The following LRRTM4 variants were observed in gnomAD, a reference collection of about 807,000 sequenced individuals.
The protein encoded by LRRTM4 is leucine-rich repeat transmembrane neuronal protein 4.
Under a neutral mutation model 47.6 loss-of-function variants are expected in LRRTM4, and 25 were observed. The observed-to-expected ratio is 0.53, with a 90% CI of 0.38 to 0.73. The LOEUF (loss-of-function observed/expected upper bound fraction) is 0.73, where lower values mean the gene tolerates loss of function less well. Ranked by LOEUF, LRRTM4 falls within the 30% of genes least tolerant of loss-of-function variation. The probability of loss-of-function intolerance (pLI) is 0.00; values close to 1 mark genes in which losing one functional copy is unlikely to be tolerated. For missense variants in LRRTM4, 638 were observed against 713.4 expected (o/e 0.89, Z 1.20); for synonymous variants, 311 against 269.5 (o/e 1.15, Z -1.51).
chr2:77,032,099 C>G (rs964530282), intron 3 of LRRTM4, among the ~76,000 whole-genome samples: 8 of 152,164 alleles, frequency 5.3e-5, no homozygotes, highest in African/African-American at 1.7e-4. Flanking sequence ...TTGTATTCTG[C>G]TCCTAATCAG....
chr2:77,225,002 G>T (rs1315903048), intron 3 of LRRTM4, among the ~76,000 whole-genome samples: 1 of 150,718 alleles, frequency 6.6e-6, no homozygotes, highest in Admixed American at 6.6e-5. Flanking sequence ...AAGAAAATGT[G>T]GCACATCTAC....
chr2:76,811,872 T>G (rs550988234), intron 3 of LRRTM4, among the ~76,000 whole-genome samples: 1 of 151,820 alleles, frequency 6.6e-6, no homozygotes, highest in Non-Finnish European at 1.5e-5. Flanking sequence ...GGATGAAGGA[T>G]AGGAAAACAT....
At chr2:77,459,751 G>A (rs1238134659) in intron 3 of LRRTM4, among the ~76,000 whole-genome samples, 2 of 128,536 alleles carry the variant, frequency 1.6e-5, no homozygotes, top group African/African-American at 5.9e-5. Flanking sequence ...TGTATAAACT[G>A]GTTTTAGCAA....
chr2:77,201,222 A>G (rs1673965426), intron 3 of LRRTM4, among the ~76,000 whole-genome samples: 1 of 152,168 alleles, frequency 6.6e-6, no homozygotes, highest in African/African-American at 2.4e-5. Flanking sequence ...GATAATCTGG[A>G]TTCTTACAGG....
intron 3 of LRRTM4, among the ~76,000 whole-genome samples, chr2:77,212,936 AC>A (rs1674335487): frequency 1.3e-5 from 2 of 152,138 alleles, no homozygotes; most frequent in Admixed American, 1.3e-4. Flanking sequence ...ATTTCTTTGT[AC>A]CCACTGATCA....
chr2:76,753,582 T>A (rs1032641578), intron 3 of LRRTM4, among the ~76,000 whole-genome samples: 2 of 152,200 alleles, frequency 1.3e-5, no homozygotes, highest in Non-Finnish European at 2.9e-5. Context: ...GTGACACATT[T>A]TTTTCAATTA....
intron 3 of LRRTM4, among the ~76,000 whole-genome samples, chr2:76,872,238 A>G (rs1297579000): frequency 6.6e-6 from 1 of 152,182 alleles, no homozygotes; most frequent in Non-Finnish European, 1.5e-5. Context: ...CATCTTAAGG[A>G]TACGTTAAAA....
At chr2:76,872,011 G>A (rs1200941363) in intron 3 of LRRTM4, among the ~76,000 whole-genome samples, 1 of 152,144 alleles carries the variant, frequency 6.6e-6, no homozygotes, top group Admixed American at 6.5e-5. Context: ...GGGAACCCGA[G>A]GCAGAAGACC....
intron 3 of LRRTM4, among the ~76,000 whole-genome samples, chr2:77,047,565 G>A (rs769454306): frequency 3.3e-5 from 5 of 151,900 alleles, no homozygotes; most frequent in Non-Finnish European, 7.4e-5. Context: ...CCCAATCTTT[G>A]CCTACATCTT....
intron 3 of LRRTM4, among the ~76,000 whole-genome samples, chr2:76,895,862 ATCT>A (rs1012325442): frequency 1.5e-4 from 23 of 152,094 alleles, no homozygotes; most frequent in African/African-American, 4.1e-4. Context: ...AACTGAATTA[ATCT>A]TCTTCTTTTC....
chr2:77,390,697 T>G (rs780317342), intron 3 of LRRTM4, among the ~76,000 whole-genome samples: 12 of 151,530 alleles, frequency 7.9e-5, no homozygotes, highest in Non-Finnish European at 1.6e-4. Context: ...ATGATGATGA[T>G]GATTTTCAAA....
intron 3 of LRRTM4, among the ~76,000 whole-genome samples, chr2:77,052,986 A>T (rs184255058): frequency 6.6e-6 from 1 of 152,306 alleles, no homozygotes; most frequent in African/African-American, 2.4e-5. Context: ...AAGGCTAAAA[A>T]AAAAAACTAT....
chr2:76,922,713 C>A (rs1183311199), intron 3 of LRRTM4, among the ~76,000 whole-genome samples: 1 of 151,972 alleles, frequency 6.6e-6, no homozygotes, highest in Admixed American at 6.6e-5. Flanking sequence ...AGCATGGGTG[C>A]TACAACTAAT....
intron 3 of LRRTM4, among the ~76,000 whole-genome samples, chr2:77,515,616 C>A (rs1679177717): frequency 6.6e-6 from 1 of 151,370 alleles, no homozygotes; most frequent in African/African-American, 2.4e-5. Flanking sequence ...TTTAAAAAAA[C>A]CTACCTCACA....
intron 3 of LRRTM4, among the ~76,000 whole-genome samples, chr2:76,841,070 A>G (rs1342494752): frequency 7.0e-6 from 1 of 143,534 alleles, no homozygotes; most frequent in Non-Finnish European, 1.5e-5. Context: ...TGTGGCACAT[A>G]GACACCATGG....
At chr2:77,414,725 C>T (rs1019571016) in intron 3 of LRRTM4, among the ~76,000 whole-genome samples, 3 of 152,194 alleles carry the variant, frequency 2.0e-5, no homozygotes, top group Non-Finnish European at 4.4e-5. Context: ...TAGTGTACTG[C>T]TCATGCAAGG....
At chr2:77,448,729 C>A (rs1558748393) in intron 3 of LRRTM4, among the ~76,000 whole-genome samples, 1 of 152,118 alleles carries the variant, frequency 6.6e-6, no homozygotes, top group Non-Finnish European at 1.5e-5. Flanking sequence ...GTACAGTGAT[C>A]CCTGCTGTAA....
intron 3 of LRRTM4, among the ~76,000 whole-genome samples, chr2:77,065,601 A>G (rs1278233307): frequency 6.6e-6 from 1 of 152,204 alleles, no homozygotes; most frequent in Admixed American, 6.5e-5. Flanking sequence ...ATATGAAATG[A>G]AATTTCATGT....
At chr2:76,768,703 TA>T (rs775141496) in intron 3 of LRRTM4, among the ~76,000 whole-genome samples, 1 of 152,038 alleles carries the variant, frequency 6.6e-6, no homozygotes, top group African/African-American at 2.4e-5. Context: ...ATTAGGAAAA[TA>T]AAAAATCCCT....
Sources: allele counts gnomAD v4.1 joint callset (sites outside exome capture counted in the v4.1 genomes callset), GRCh38; gene constraint gnomAD v4.1.1; transcripts MANE v1.5; gene names NCBI Gene and HGNC (gene_info 2026-07-23, HGNC 2026-07-21).